MTMR12: variants seen among roughly 807,000 people sequenced by gnomAD.
MTMR12 encodes myotubularin-related protein 12.
A neutral mutation model predicts 96.7 loss-of-function variants in MTMR12; 33 were observed. The observed-to-expected ratio is 0.34, with a 90% CI of 0.26 to 0.46. The LOEUF (loss-of-function observed/expected upper bound fraction) is 0.46, where lower values mean the gene tolerates loss of function less well. Among genes scored for constraint, MTMR12 ranks in the 20% least tolerant of loss-of-function variants. MTMR12 has a pLI of 1.00. For synonymous variants in MTMR12, 298 were observed against 327.2 expected (o/e 0.91, Z 0.96); for missense variants, 721 against 896.1 (o/e 0.80, Z 2.49).
intron 1 of MTMR12, among the ~76,000 whole-genome samples, chr5:32,305,498 G>A (rs1269984443): frequency 1.3e-5 from 2 of 152,214 alleles, no homozygotes; most frequent in Non-Finnish European, 2.9e-5. Flanking sequence ...ATCTCTTCTT[G>A]TTATCATCTA....
rs1376622732 is a variant in MTMR12 at position 32,248,141 on chromosome 5, G to A, written c.897-15C>T. The stretch of plus-strand genomic sequence containing the variant: ...TCTTGTAAATTCTAGGTATCAAAAA[G>A]GAATATGAGATTAGAAGAGCAAACT... On this transcript the variant is annotated splice_polypyrimidine_tract_variant and intron_variant, in intron 9 of 15. Coordinates refer to ENST00000382142, the MANE Select transcript of MTMR12 (RefSeq NM_001040446.3). 14 of 1,611,230 alleles carry A rather than the reference G, an allele frequency of 8.7e-6. No homozygotes were observed. In the East Asian group the frequency reaches 3.1e-4, roughly 36 times the overall value.
intron 13 of MTMR12, among the ~76,000 whole-genome samples, chr5:32,238,692 C>T (rs1748337118): frequency 6.6e-6 from 1 of 152,218 alleles, no homozygotes; most frequent in South Asian, 2.1e-4. Context: ...GTCTCCCTCA[C>T]TGAGTTACTT....
intron 8 of MTMR12, among the ~76,000 whole-genome samples, chr5:32,250,834 C>T (rs780018631): frequency 2.0e-5 from 3 of 152,030 alleles, no homozygotes; most frequent in East Asian, 1.9e-4. Flanking sequence ...CTATTCTCTG[C>T]GTGAAACAGT....
chr5:32,274,013 G>C lies in MTMR12; in HGVS notation c.252C>G (p.Phe84Leu). 6.2e-7 allele frequency: 1 copy of C among 1,614,190 alleles called. No individual in the cohort carries two copies. The highest frequency in any genetic ancestry group is 1.1e-5 in the South Asian group (1 of 91,088). The change falls in exon 3 of 16, where the codon TTC becomes TTG. Residue 84 changes from phenylalanine to leucine, a missense_variant. Transcript: ENST00000382142. ...RLVCTDFKIA[F>L]LGDDESALDN... is the part of the protein sequence containing the mutation. The stretch of plus-strand genomic sequence containing the variant: ...CCAATGCAGATTCATCATCACCCAA[G>C]AAGGCAATCTTGAAGTCTGTGCAGA...
intron 1 of MTMR12, among the ~76,000 whole-genome samples, chr5:32,292,027 A>T (rs189960044): frequency 4.6e-5 from 7 of 152,322 alleles, no homozygotes; most frequent in Admixed American, 4.6e-4. Context: ...ATTGCCTCTG[A>T]CCAAGGCACT....
At chr5:32,293,423 G>A (rs1350283443) in intron 1 of MTMR12, among the ~76,000 whole-genome samples, 2 of 152,104 alleles carry the variant, frequency 1.3e-5, no homozygotes, top group African/African-American at 4.8e-5. Flanking sequence ...TGGATGCTTC[G>A]TGCCCTGAAA....
In MTMR12 at chr5:32,274,050, T is replaced by C. The variant is rs1749949237; in HGVS notation, c.215A>G (p.Tyr72Cys). 5.6e-6 allele frequency: 9 copies of C among 1,614,208 alleles called. No homozygotes were observed. Among genetic ancestry groups the C allele is most frequent in the Non-Finnish European group, 6.8e-6 (8 of 1,180,032 alleles). ...GAAGTCTGTGCAGACAAGCCTCCCA[T>C]AGACCCCATGCTGACAGGAATCTTC... ...VQEDSCQHGV[Y>C]GRLVCTDFKI... Residue 72 changes from tyrosine to cysteine, a missense_variant, in exon 3 of 16, where the codon TAT (tyrosine) becomes TGT (cysteine). Coordinates refer to ENST00000382142, the MANE Select transcript of MTMR12 (RefSeq NM_001040446.3).
rs1748100754 is a variant in MTMR12, at chr5:32,233,792, CG to C, written c.1654del (p.Arg552GlyfsTer35). ...TCTTACTTTGAAGCGCATTCCTTTC[CG>C]TTGGCCTTTGTCCAGTTTTGGCTTT... ...VEKPKLDKGQ[R>X]KGMRFKHQRQ... On this transcript the variant is annotated frameshift_variant, in exon 15 of 16. Transcript: ENST00000382142. LOFTEE classifies it high-confidence loss of function. This position sits in a 1 kb window ranked among gnomAD's most constrained non-coding sequence, Gnocchi z 5.0. The C allele has an allele frequency of 6.2e-7, 1 of 1,614,064 alleles. No individual in the cohort carries two copies. Among genetic ancestry groups the C allele is most frequent in the Non-Finnish European group, 8.5e-7 (1 of 1,180,052 alleles).
chr5:32,294,517 T>A (rs571605678), intron 1 of MTMR12, among the ~76,000 whole-genome samples: 2 of 152,164 alleles, frequency 1.3e-5, no homozygotes, highest in South Asian at 4.2e-4. Context: ...GCTAGGCTGG[T>A]CTTGAACTCC....
intron 1 of MTMR12, among the ~76,000 whole-genome samples, chr5:32,308,658 T>C (rs1470543885): frequency 6.6e-6 from 1 of 152,006 alleles, no homozygotes; most frequent in Non-Finnish European, 1.5e-5. Flanking sequence ...TGAAATGCAG[T>C]GGCGTGATCT....
At chr5:32,240,277 T>C (rs577784833) in intron 12 of MTMR12, among the ~76,000 whole-genome samples, 270 of 151,964 alleles carry the variant, frequency 1.8e-3, no homozygotes, top group Non-Finnish European at 2.4e-3. Flanking sequence ...TGCACGCCTG[T>C]AATCCCAGCT....
At position 32,233,473 on chromosome 5, in the gene MTMR12, AACAC is replaced by A. The variant is rs752327449; in HGVS notation, c.1674+296_1674+299del. On this transcript the variant is annotated intron_variant, in intron 15 of 15. Transcript: ENST00000382142. The surrounding 1 kb of genome is among the most constrained non-coding windows in gnomAD (Gnocchi z 5.0). The stretch of plus-strand genomic sequence containing the variant: ...CTCTACTAACACACACACACACACA[AACAC>A]ACACACACACACACACACACAGGCA... Among the ~76,000 whole-genome samples, 21 of 60,002 alleles carry A rather than the reference AACAC, an allele frequency of 3.5e-4. No individual in the cohort carries two copies. Among genetic ancestry groups the A allele is most frequent in the South Asian group, 5.0e-4 (1 of 1,998 alleles). 39.4% of individuals were successfully genotyped at this position (60,002 alleles called of 152,430 possible). A position where few individuals can be genotyped will look rare whatever the true frequency, so the allele number is the denominator to read the frequency against.
At chr5:32,273,672 C>T (rs558413071) in intron 3 of MTMR12, among the ~76,000 whole-genome samples, 7 of 151,784 alleles carry the variant, frequency 4.6e-5, no homozygotes, top group Middle Eastern at 3.4e-3. Flanking sequence ...AGACCCTGAA[C>T]GACAGAGAGC....
chr5:32,273,041 C>A (rs184820344), intron 3 of MTMR12, among the ~76,000 whole-genome samples: 1 of 152,146 alleles, frequency 6.6e-6, no homozygotes, highest in Non-Finnish European at 1.5e-5. Context: ...TCTCTCCTTA[C>A]CTGATTGCTC....
intron 1 of MTMR12, among the ~76,000 whole-genome samples, chr5:32,297,004 G>A (rs1022346286): frequency 1.8e-4 from 28 of 151,548 alleles, no homozygotes; most frequent in African/African-American, 6.5e-4. Context: ...TTGGGAGGCT[G>A]AGGCAGGAGA....
chr5:32,227,579 T>C lies in MTMR12; in HGVS notation c.*2199A>G, dbSNP rs1055520492. ...GTGTAAAGCATCACACCGGGCATTT[T>C]TGGAATGAAAATTACAAAGCCTGAA... On this transcript the variant is annotated 3_prime_UTR_variant, in exon 16 of 16. Coordinates refer to ENST00000382142, the MANE Select transcript of MTMR12 (RefSeq NM_001040446.3). The C allele has an allele frequency of 2.0e-5, 3 of 152,644 alleles. No individual in the cohort carries two copies. The highest frequency in any genetic ancestry group is 7.2e-5 in the African/African-American group (3 of 41,452). 9.5% of individuals were successfully genotyped at this position (152,644 alleles called of 1,614,324 possible). A position where few individuals can be genotyped will look rare whatever the true frequency, so the allele number is the denominator to read the frequency against.
rs1751473544 is a variant in MTMR12 at position 32,309,056 on chromosome 5, T to C, written c.81+3702A>G. 2.7e-5 allele frequency among the ~76,000 whole-genome samples: 4 copies of C among 149,008 alleles called. No homozygotes were observed. The Admixed American group carries it at 2.7e-4, about 10-fold the overall frequency. ...AACAAAGCTGCCAACTATAAGGATC[T>C]GAAAAATGTGACCACTTCAGGCTTA... is the stretch of plus-strand genomic sequence containing the variant. On this transcript the variant is annotated intron_variant, in intron 1 of 15. Transcript: ENST00000382142.
chr5:32,229,781 C>T lies in MTMR12; in HGVS notation c.2241G>A (p.Val747=), dbSNP rs1350400241. The T allele has an allele frequency of 6.6e-7, 1 of 1,522,820 alleles. No homozygotes were observed. Among genetic ancestry groups the T allele is most frequent in the Non-Finnish European group, 8.8e-7 (1 of 1,135,116 alleles). The allele number at this position is 1,522,820 out of a possible 1,614,324, so 94.3% of individuals were successfully genotyped here. The part of the protein sequence containing the change: ...REDEFVDLGD[V] Reference sequence around the variant, plus strand: ...TCACAATCACTCAACAAACAGGTCACACATCCCCTAGGTCCACGAACTCAT... The same window carrying T: ...TCACAATCACTCAACAAACAGGTCATACATCCCCTAGGTCCACGAACTCAT... Residue 747 remains valine, a synonymous_variant, in exon 16 of 16, where the codon GTG becomes GTA. Transcript: ENST00000382142.
At chr5:32,238,143 CAAAAA>C (rs746835069) in intron 13 of MTMR12, among the ~76,000 whole-genome samples, 2 of 58,964 alleles carry the variant, frequency 3.4e-5, no homozygotes, top group East Asian at 6.1e-4. Context: ...GACTCCGTCT[CAAAAA>C]AAAAAAAAAA....
Sources: gnomAD v4.1 joint callset for allele counts (sites outside exome capture counted in the v4.1 genomes callset) on GRCh38, gnomAD v4.1.1 for gene constraint, Gnocchi (gnomAD v3.1) non-coding constraint, MANE v1.5 for transcripts, NCBI Gene and HGNC (gene_info 2026-07-23, HGNC 2026-07-21) for gene names.